THBD: variants seen among roughly 807,000 people sequenced by gnomAD.
The protein encoded by THBD is thrombomodulin.
For synonymous variants in THBD, 449 were observed against 374.2 expected (o/e 1.20, Z -2.31); for missense variants, 850 against 816.9 (o/e 1.04, Z -0.49).
Position 23,046,004 on chromosome 20 carries a change from G to T in THBD, c.*1773C>A, listed in dbSNP as rs1022034799. The T allele has an allele frequency of 6.6e-6, 1 of 152,164 alleles. No individual in the cohort carries two copies. Among genetic ancestry groups the T allele is most frequent in the South Asian group, 2.1e-4 (1 of 4,830 alleles). 9.4% of individuals were successfully genotyped at this position (152,164 alleles called of 1,614,324 possible). ...CAGACACACAACCCGAGAGCACATT[G>T]TTATTTGTTTATTTTGTACAAGTGA... On this transcript the variant is annotated 3_prime_UTR_variant, in exon 1 of 1. Coordinates refer to ENST00000377103, the MANE Select transcript of THBD (RefSeq NM_000361.3).
rs564360014 is a variant in THBD, at chr20:23,046,236, G to A, written c.*1541C>T. The A allele has an allele frequency of 3.9e-5, 6 of 152,728 alleles. No homozygotes were observed. The East Asian group carries it at 1.2e-3, about 29-fold the overall frequency. 9.5% of individuals were successfully genotyped at this position (152,728 alleles called of 1,614,324 possible). On this transcript the variant is annotated 3_prime_UTR_variant, in exon 1 of 1. Transcript: ENST00000377103. ...AAGACCTTGCAGACCCTGTGTGGCA[G>A]TGTCTAGAGCTGTGTACCTAGCCTT...
Position 23,046,598 on chromosome 20 carries a change from C to T in THBD, c.*1179G>A, listed in dbSNP as rs1180749284. Reference sequence around the variant, plus strand: ...TCTGAGGACCTGATTAAGGCTAGGCCCTAATTGGGCATCCTCCAGGATCCA... The same window carrying T: ...TCTGAGGACCTGATTAAGGCTAGGCTCTAATTGGGCATCCTCCAGGATCCA... On this transcript the variant is annotated 3_prime_UTR_variant, in exon 1 of 1. Transcript: ENST00000377103. 1 of 152,158 alleles carries T rather than the reference C, an allele frequency of 6.6e-6. No homozygotes were observed. The highest frequency in any genetic ancestry group is 1.5e-5 in the Non-Finnish European group (1 of 68,028). 9.4% of individuals were successfully genotyped at this position (152,158 alleles called of 1,614,324 possible).
In THBD at chr20:23,048,854, G is replaced by A. The variant is rs1247607474; in HGVS notation, c.651C>T (p.Pro217=). The A allele has an allele frequency of 6.6e-7, 1 of 1,504,988 alleles. No individual in the cohort carries two copies. Among genetic ancestry groups the A allele is most frequent in the East Asian group, 2.5e-5 (1 of 40,176 alleles). The allele number at this position is 1,504,988 out of a possible 1,614,324, so 93.2% of individuals were successfully genotyped here. A position where few individuals can be genotyped will look rare whatever the true frequency, so the allele number is the denominator to read the frequency against. Residue 217 remains proline, a synonymous_variant, in exon 1 of 1, where the codon CCC becomes CCT. Coordinates refer to ENST00000377103, the MANE Select transcript of THBD (RefSeq NM_000361.3). ...LPVGSSAAVA[P]LGLQLMCTAP... is the part of the protein sequence containing the mutation. ...CGGTGCACATTAGCTGTAAGCCGAG[G>A]GGAGCCACCGCGGCGGAGCTGCCCA...
rs1210868104 is a variant in THBD at position 23,047,817 on chromosome 20, A to T, written c.1688T>A (p.Leu563Gln). The part of the protein sequence containing the change: ...KCAAPSKEVV[L>Q]QHVRTERTPQ... ...CGTCCGCTCGGTCCGCACGTGCTGCAGCACTACCTCCTTGGAAGGGGCCGC... is the reference window on the plus strand; with the variant it reads ...CGTCCGCTCGGTCCGCACGTGCTGCTGCACTACCTCCTTGGAAGGGGCCGC... The change falls in exon 1 of 1, where the codon CTG becomes CAG. Residue 563 changes from leucine to glutamine, a missense_variant. Leu to Gln is a moderately radical substitution (Grantham distance 113). Coordinates refer to ENST00000377103, the MANE Select transcript of THBD (RefSeq NM_000361.3). The T allele has an allele frequency of 5.6e-6, 9 of 1,598,728 alleles. No homozygotes were observed. The highest frequency in any genetic ancestry group is 1.1e-5 in the South Asian group (1 of 88,598).
Position 23,049,316 on chromosome 20 carries a change from G to A in THBD, c.189C>T (p.Arg63=). 1 of 1,599,216 alleles carries A rather than the reference G, an allele frequency of 6.3e-7. No individual in the cohort carries two copies. Among genetic ancestry groups the A allele is most frequent in the East Asian group, 2.3e-5 (1 of 44,334 alleles). ...AAATGACATCGGCAGCCACCGAGGAGCGCACTGTCATTAGGTGGCCCCGCA... is the reference window on the plus strand; with the variant it reads ...AAATGACATCGGCAGCCACCGAGGAACGCACTGTCATTAGGTGGCCCCGCA... ...DGLRGHLMTV[R]SSVAADVISL... The change falls in exon 1 of 1, where the codon CGC becomes CGT. Residue 63 remains arginine (R), a synonymous_variant. Transcript: ENST00000377103.
Position 23,047,660 on chromosome 20 carries a change from G to C in THBD, c.*117C>G, listed in dbSNP as rs932869999. The C allele has an allele frequency of 2.3e-5, 29 of 1,259,432 alleles. No homozygotes were observed. The highest frequency in any genetic ancestry group is 2.6e-5 in the Non-Finnish European group (24 of 924,114). The allele number at this position is 1,259,432 out of a possible 1,614,324, so 78.0% of individuals were successfully genotyped here. A position where few individuals can be genotyped will look rare whatever the true frequency, so the allele number is the denominator to read the frequency against. On this transcript the variant is annotated 3_prime_UTR_variant, in exon 1 of 1. Transcript: ENST00000377103. ...CCATGGAATAGAAGAAAACAGCTTGGGGGGTGCGGGGAGGGTCTTCTCCAG... is the reference window on the plus strand; with the variant it reads ...CCATGGAATAGAAGAAAACAGCTTGCGGGGTGCGGGGAGGGTCTTCTCCAG...
At position 23,047,642 on chromosome 20, in the gene THBD, A is replaced by C; in HGVS notation, c.*135T>G. 1.9e-6 allele frequency: 2 copies of C among 1,067,456 alleles called. No homozygotes were observed. The highest frequency in any genetic ancestry group is 3.2e-5 in the South Asian group (2 of 62,188). 66.1% of individuals were successfully genotyped at this position (1,067,456 alleles called of 1,614,324 possible). A position where few individuals can be genotyped will look rare whatever the true frequency, so the allele number is the denominator to read the frequency against. ...CACCCCCTCGCCAGTTAGCCATGGA[A>C]TAGAAGAAAACAGCTTGGGGGGTGC... On this transcript the variant is annotated 3_prime_UTR_variant, in exon 1 of 1. Coordinates refer to ENST00000377103, the MANE Select transcript of THBD (RefSeq NM_000361.3).
In THBD at chr20:23,046,721, T is replaced by C. The variant is rs1164639585; in HGVS notation, c.*1056A>G. Reference sequence around the variant, plus strand: ...ACAGTCAATTGCTAATTGGCATGAATCATGCAGTTTGAAGCTTTCTTGAAC... The same window carrying C: ...ACAGTCAATTGCTAATTGGCATGAACCATGCAGTTTGAAGCTTTCTTGAAC... On this transcript the variant is annotated 3_prime_UTR_variant, in exon 1 of 1. Transcript: ENST00000377103. 6.6e-6 allele frequency: 1 copy of C among 152,254 alleles called. No individual in the cohort carries two copies. The highest frequency in any genetic ancestry group is 1.5e-5 in the Non-Finnish European group (1 of 68,040). The allele number at this position is 152,254 out of a possible 1,614,324, so 9.4% of individuals were successfully genotyped here. A position where few individuals can be genotyped will look rare whatever the true frequency, so the allele number is the denominator to read the frequency against.
chr20:23,048,209 G>A lies in THBD; in HGVS notation c.1296C>T (p.Ile432=). Residue 432 remains isoleucine, a synonymous_variant, in exon 1 of 1, where the codon ATC becomes ATT. Coordinates refer to ENST00000377103, the MANE Select transcript of THBD (RefSeq NM_000361.3). The part of the protein sequence containing the change: ...QASCECPEGY[I]LDDGFICTDI... The stretch of plus-strand genomic sequence containing the variant: ...CCGTGCAGATGAAACCGTCGTCCAG[G>A]ATGTAGCCTTCAGGGCACTCACAGC... 4 of 1,614,054 alleles carry A rather than the reference G, an allele frequency of 2.5e-6. No individual in the cohort carries two copies. In the South Asian group the frequency reaches 4.4e-5, roughly 18 times the overall value.
In THBD at chr20:23,049,255, G is replaced by C. The variant is rs1984673591; in HGVS notation, c.250C>G (p.Arg84Gly). Reference protein sequence around the residue: ...LLNGDGGVGRRRLWIGLQLPP... With the variant: ...LLNGDGGVGRGRLWIGLQLPP... ...AGCTGCAGGCCGATCCAGAGGCGCCGGCGGCCAACGCCGCCGTCGCCGTTC... is the reference window on the plus strand; with the variant it reads ...AGCTGCAGGCCGATCCAGAGGCGCCCGCGGCCAACGCCGCCGTCGCCGTTC... Residue 84 changes from arginine (R) to glycine (G), a missense_variant, in exon 1 of 1, where the codon CGG (arginine) becomes GGG (glycine). Physicochemically the swap from Arg to Gly is moderately radical, Grantham distance 125. Coordinates refer to ENST00000377103, the MANE Select transcript of THBD (RefSeq NM_000361.3). 1.3e-6 allele frequency: 2 copies of C among 1,500,562 alleles called. No individual in the cohort carries two copies. The highest frequency in any genetic ancestry group is 1.8e-6 in the Non-Finnish European group (2 of 1,120,876). 93.0% of individuals were successfully genotyped at this position (1,500,562 alleles called of 1,614,324 possible). A position where few individuals can be genotyped will look rare whatever the true frequency, so the allele number is the denominator to read the frequency against.
rs1568666651 is a variant in THBD, at chr20:23,049,256, G to T, written c.249C>A (p.Arg83=). The part of the protein sequence containing the change: ...LLLNGDGGVG[R]RRLWIGLQLP... The stretch of plus-strand genomic sequence containing the variant: ...GCTGCAGGCCGATCCAGAGGCGCCG[G>T]CGGCCAACGCCGCCGTCGCCGTTCA... Residue 83 remains arginine (R), a synonymous_variant, in exon 1 of 1, where the codon CGC becomes CGA. Coordinates refer to ENST00000377103, the MANE Select transcript of THBD (RefSeq NM_000361.3). 6.5e-7 allele frequency: 1 copy of T among 1,544,774 alleles called. No individual in the cohort carries two copies. Among genetic ancestry groups the T allele is most frequent in the Non-Finnish European group, 8.7e-7 (1 of 1,148,184 alleles).
Position 23,049,338 on chromosome 20 carries a change from C to A in THBD, c.167G>T (p.Arg56Leu). Residue 56 changes from arginine to leucine, a missense_variant, in exon 1 of 1, where the codon CGG (arginine) becomes CTG (leucine). Coordinates refer to ENST00000377103, the MANE Select transcript of THBD (RefSeq NM_000361.3). ...LNASQICDGL[R>L]GHLMTVRSSV... ...GGAGCGCACTGTCATTAGGTGGCCCCGCAGTCCGTCGCAGATCTGACTGGC... is the reference window on the plus strand; with the variant it reads ...GGAGCGCACTGTCATTAGGTGGCCCAGCAGTCCGTCGCAGATCTGACTGGC... 1 of 1,604,754 alleles carries A rather than the reference C, an allele frequency of 6.2e-7. No homozygotes were observed. The highest frequency in any genetic ancestry group is 8.5e-7 in the Non-Finnish European group (1 of 1,176,790).
rs1249221099 is a variant in THBD at position 23,049,415 on chromosome 20, G to A, written c.90C>T (p.Cys30=). 3 of 1,581,158 alleles carry A rather than the reference G, an allele frequency of 1.9e-6. No homozygotes were observed. The South Asian group carries it at 3.5e-5, about 18-fold the overall frequency. ...PAEPQPGGSQ[C]VEHDCFALYP... ...AGAGCGCGAAGCAGTCGTGCTCGAC[G>A]CACTGGCTGCCACCCGGCTGCGGCT... Residue 30 remains cysteine (C), a synonymous_variant, in exon 1 of 1, where the codon TGC becomes TGT. Coordinates refer to ENST00000377103, the MANE Select transcript of THBD (RefSeq NM_000361.3).
In THBD at chr20:23,046,272, G is replaced by C. The variant is rs1439185320; in HGVS notation, c.*1505C>G. Reference sequence around the variant, plus strand: ...TGTGTACCTAGCCTTTTCTACCAAAGAGCAAAGCTACACAAAGAAAATTCC... The same window carrying C: ...TGTGTACCTAGCCTTTTCTACCAAACAGCAAAGCTACACAAAGAAAATTCC... On this transcript the variant is annotated 3_prime_UTR_variant, in exon 1 of 1. Coordinates refer to ENST00000377103, the MANE Select transcript of THBD (RefSeq NM_000361.3). The C allele has an allele frequency of 6.6e-6, 1 of 152,508 alleles. No homozygotes were observed. The highest frequency in any genetic ancestry group is 6.5e-5 in the Admixed American group (1 of 15,282). The allele number at this position is 152,508 out of a possible 1,614,324, so 9.4% of individuals were successfully genotyped here. A position where few individuals can be genotyped will look rare whatever the true frequency, so the allele number is the denominator to read the frequency against.
rs890228147 is a variant in THBD, at chr20:23,048,604, C to T, written c.901G>A (p.Asp301Asn). Residue 301 changes from aspartate to asparagine, a missense_variant, in exon 1 of 1, where the codon GAC (aspartate) becomes AAC (asparagine). Asp to Asn is a conservative substitution (Grantham distance 23). Transcript: ENST00000377103. ...LCEHFCVPNP[D>N]QPGSYSCMCE... ...ATGCACGAGTAGGAGCCCGGCTGGT[C>T]GGGGTTGGGAACGCAGAAGTGCTCG... 6.3e-7 allele frequency: 1 copy of T among 1,598,498 alleles called. No individual in the cohort carries two copies. Among genetic ancestry groups the T allele is most frequent in the Non-Finnish European group, 8.5e-7 (1 of 1,179,494 alleles).
In THBD at chr20:23,049,268, G is replaced by A; in HGVS notation, c.237C>T (p.Gly79=). ...DVISLLLNGD[G]GVGRRRLWIG... The stretch of plus-strand genomic sequence containing the variant: ...TCCAGAGGCGCCGGCGGCCAACGCC[G>A]CCGTCGCCGTTCAGTAGCAAGGAAA... Residue 79 remains glycine (G), a synonymous_variant, in exon 1 of 1, where the codon GGC becomes GGT. Transcript: ENST00000377103. The A allele has an allele frequency of 8.6e-7, 1 of 1,166,456 alleles. No homozygotes were observed. The allele number at this position is 1,166,456 out of a possible 1,614,324, so 72.3% of individuals were successfully genotyped here.
At position 23,048,533 on chromosome 20, in the gene THBD, C is replaced by T. The variant is rs1440812606; in HGVS notation, c.972G>A (p.Glu324=). ...GCTCCAGTATGCAGTCATCCACGTC[C>T]TCGCACCGGTGTTGGTCGGCCGCCA... ...YRLAADQHRC[E]DVDDCILEPS... Residue 324 remains glutamate (E), a synonymous_variant, in exon 1 of 1, where the codon GAG becomes GAA. Transcript: ENST00000377103. 2 of 1,602,478 alleles carry T rather than the reference C, an allele frequency of 1.2e-6. No homozygotes were observed. Among genetic ancestry groups the T allele is most frequent in the Admixed American group, 1.7e-5 (1 of 59,984 alleles).
In THBD at chr20:23,045,733, C is replaced by T. The variant is rs1027466935; in HGVS notation, c.*2044G>A. ...TTAAAAGCACAGAGACACAAGTCCTCATATATGAAGTTGTTATGGTTACAG... is the reference window on the plus strand; with the variant it reads ...TTAAAAGCACAGAGACACAAGTCCTTATATATGAAGTTGTTATGGTTACAG... On this transcript the variant is annotated 3_prime_UTR_variant, in exon 1 of 1. Transcript: ENST00000377103. The T allele has an allele frequency of 2.6e-5, 4 of 152,170 alleles. No individual in the cohort carries two copies. The highest frequency in any genetic ancestry group is 9.7e-5 in the African/African-American group (4 of 41,422). 9.4% of individuals were successfully genotyped at this position (152,170 alleles called of 1,614,324 possible). A position where few individuals can be genotyped will look rare whatever the true frequency, so the allele number is the denominator to read the frequency against.
Position 23,047,551 on chromosome 20 carries a change from G to A in THBD, c.*226C>T, listed in dbSNP as rs1367436349. The A allele has an allele frequency of 1.7e-6, 1 of 602,192 alleles. No individual in the cohort carries two copies. Among genetic ancestry groups the A allele is most frequent in the East Asian group, 2.8e-5 (1 of 35,768 alleles). The allele number at this position is 602,192 out of a possible 1,614,324, so 37.3% of individuals were successfully genotyped here. A position where few individuals can be genotyped will look rare whatever the true frequency, so the allele number is the denominator to read the frequency against. Reference sequence around the variant, plus strand: ...CAGTCTGTGTCTTCGTTACAAAATTGCCATCATTGCCCAGTGGTCCAGTGA... The same window carrying A: ...CAGTCTGTGTCTTCGTTACAAAATTACCATCATTGCCCAGTGGTCCAGTGA... On this transcript the variant is annotated 3_prime_UTR_variant, in exon 1 of 1. Coordinates refer to ENST00000377103, the MANE Select transcript of THBD (RefSeq NM_000361.3).
Sources: gnomAD v4.1 joint callset for allele counts on GRCh38, gnomAD v4.1.1 for gene constraint, MANE v1.5 for transcripts, NCBI Gene and HGNC (gene_info 2026-07-23, HGNC 2026-07-21) for gene names.